CA8: variants seen among roughly 807,000 people sequenced by gnomAD.
CA8 encodes the protein carbonic anhydrase 8 (inactive).
A neutral mutation model predicts 41.4 loss-of-function variants in CA8; 22 were observed. The ratio of observed to expected loss-of-function variants is 0.53; its 90% confidence interval spans 0.38 to 0.76. The LOEUF (loss-of-function observed/expected upper bound fraction) is 0.76, where lower values mean the gene tolerates loss of function less well. Among genes scored for constraint, CA8 ranks in the 30% least tolerant of loss-of-function variants. CA8 has a pLI of 0.00. For missense variants in CA8, 270 were observed against 352.8 expected (o/e 0.77, Z 1.88); for synonymous variants, 121 against 130.6 (o/e 0.93, Z 0.50).
chr8:60,194,907 T>C (rs1806236643), intron 8 of CA8, among the ~76,000 whole-genome samples: 1 of 152,212 alleles, frequency 6.6e-6, no homozygotes, highest in Admixed American at 6.5e-5. Flanking sequence ...GAAACAAAAT[T>C]AGTTGCCTAC....
At chr8:60,240,921 GA>G (rs1374627836) in intron 3 of CA8, among the ~76,000 whole-genome samples, 1 of 151,978 alleles carries the variant, frequency 6.6e-6, no homozygotes, top group East Asian at 1.9e-4. Flanking sequence ...ACTGGAAATT[GA>G]AAGAAAGAAG....
chr8:60,252,892 C>T (rs998293058), intron 3 of CA8, among the ~76,000 whole-genome samples: 1 of 151,998 alleles, frequency 6.6e-6, no homozygotes, highest in Non-Finnish European at 1.5e-5. Flanking sequence ...GATAGGGCTA[C>T]TCAACCTATA....
intron 6 of CA8, among the ~76,000 whole-genome samples, chr8:60,223,241 T>A (rs1395958953): frequency 6.6e-6 from 1 of 152,186 alleles, no homozygotes; most frequent in Non-Finnish European, 1.5e-5. Context: ...CAGCTAATAA[T>A]CACTGGCAGA....
At chr8:60,255,330 C>G (rs1478496949) in intron 3 of CA8, among the ~76,000 whole-genome samples, 2 of 146,574 alleles carry the variant, frequency 1.4e-5, no homozygotes, top group African/African-American at 2.5e-5. Context: ...CAGTATCGTT[C>G]TGGCCACAAT....
intron 3 of CA8, among the ~76,000 whole-genome samples, chr8:60,247,824 C>T (rs535280081): frequency 3.3e-5 from 5 of 152,302 alleles, no homozygotes; most frequent in South Asian, 2.1e-4. Flanking sequence ...CTTGAGGAAT[C>T]GCCACACTGT....
chr8:60,272,422 C>T (rs74658334), intron 2 of CA8, among the ~76,000 whole-genome samples: 2,713 of 152,214 alleles, frequency 0.018, 65 homozygotes, highest in African/African-American at 0.061. Context: ...ACTCTTTAGC[C>T]TCTGTGCAGA....
At chr8:60,241,598 T>C (rs747633953) in intron 3 of CA8, among the ~76,000 whole-genome samples, 10 of 152,186 alleles carry the variant, frequency 6.6e-5, no homozygotes, top group Non-Finnish European at 1.3e-4. Flanking sequence ...CTATAAAAGA[T>C]TGGGAAAAGC....
chr8:60,242,317 C>A (rs1026771235), intron 3 of CA8, among the ~76,000 whole-genome samples: 1 of 152,108 alleles, frequency 6.6e-6, no homozygotes, highest in East Asian at 1.9e-4. Flanking sequence ...GATTCTATGA[C>A]CGCCATCAAA....
At chr8:60,256,512 A>G (rs957635193) in intron 3 of CA8, among the ~76,000 whole-genome samples, 4 of 152,230 alleles carry the variant, frequency 2.6e-5, no homozygotes, top group African/African-American at 9.6e-5. Context: ...AATGTATTCA[A>G]GCACAGCAAA....
intron 3 of CA8, among the ~76,000 whole-genome samples, chr8:60,249,191 G>A (rs1182445219): frequency 6.6e-6 from 1 of 152,028 alleles, no homozygotes; most frequent in Non-Finnish European, 1.5e-5. Flanking sequence ...TAGAGGTAAC[G>A]TAGCCATCTG....
chr8:60,220,813 C>G (rs1585868011), intron 7 of CA8, among the ~76,000 whole-genome samples: 1 of 152,302 alleles, frequency 6.6e-6, no homozygotes, highest in South Asian at 2.1e-4. Flanking sequence ...CCAGTTCTAG[C>G]TAACAGAAAG....
intron 7 of CA8, among the ~76,000 whole-genome samples, chr8:60,211,749 A>T (rs1343060439): frequency 2.0e-5 from 3 of 152,186 alleles, no homozygotes; most frequent in African/African-American, 7.2e-5. Flanking sequence ...GACTTCCAAC[A>T]TCAACAGAGA....
chr8:60,187,505 G>A lies in CA8; in HGVS notation c.*2516C>T, dbSNP rs898067800. ...TTGTAAGATTTGAGCAGAGTTTGATGACATAGAGAATACAAACACAATAGA... is the reference window on the plus strand; with the variant it reads ...TTGTAAGATTTGAGCAGAGTTTGATAACATAGAGAATACAAACACAATAGA... On this transcript the variant is annotated 3_prime_UTR_variant, in exon 9 of 9. Coordinates refer to ENST00000317995, the MANE Select transcript of CA8 (RefSeq NM_004056.6). 3.6e-4 allele frequency: 54 copies of A among 152,084 alleles called. No homozygotes were observed. The highest frequency in any genetic ancestry group is 1.3e-3 in the African/African-American group (54 of 41,516). The allele number at this position is 152,084 out of a possible 1,614,324, so 9.4% of individuals were successfully genotyped here.
At chr8:60,219,050 A>G (rs951661323) in intron 7 of CA8, among the ~76,000 whole-genome samples, 7 of 151,998 alleles carry the variant, frequency 4.6e-5, no homozygotes, top group African/African-American at 1.7e-4. Flanking sequence ...ATACCTCAGG[A>G]AGTTATCAGC....
At chr8:60,279,047 G>A (rs531325243) in intron 2 of CA8, among the ~76,000 whole-genome samples, 1 of 152,168 alleles carries the variant, frequency 6.6e-6, no homozygotes, top group African/African-American at 2.4e-5. Context: ...AACAACTTTT[G>A]CACAGAACAT....
At chr8:60,254,554 G>C (rs113838626) in intron 3 of CA8, among the ~76,000 whole-genome samples, 1 of 152,184 alleles carries the variant, frequency 6.6e-6, no homozygotes, top group Non-Finnish European at 1.5e-5. Context: ...TTTGTTCTCC[G>C]CAACAAGTTG....
chr8:60,218,300 G>C (rs1048867100), intron 7 of CA8, among the ~76,000 whole-genome samples: 1 of 150,482 alleles, frequency 6.6e-6, no homozygotes. Context: ...CACAGCAAAT[G>C]ACTGGGTTTT....
intron 8 of CA8, among the ~76,000 whole-genome samples, chr8:60,193,534 CT>C (rs1435102025): frequency 6.6e-6 from 1 of 152,172 alleles, no homozygotes; most frequent in Non-Finnish European, 1.5e-5. Flanking sequence ...TAAATGACTA[CT>C]GTAACCACAC....
At chr8:60,259,432 C>G (rs1803658455) in intron 3 of CA8, among the ~76,000 whole-genome samples, 1 of 152,080 alleles carries the variant, frequency 6.6e-6, no homozygotes, top group Non-Finnish European at 1.5e-5. Flanking sequence ...GCCAAAACAA[C>G]CTTTTGTATA....
Sources: gnomAD v4.1 joint callset for allele counts (sites outside exome capture counted in the v4.1 genomes callset) on GRCh38, gnomAD v4.1.1 for gene constraint, MANE v1.5 for transcripts, NCBI Gene and HGNC (gene_info 2026-07-23, HGNC 2026-07-21) for gene names.